Variants in GOLGB1 observed in about 807,000 individuals in gnomAD.
The protein encoded by GOLGB1 is golgin subfamily B member 1.
Under a neutral mutation model 336.9 loss-of-function variants are expected in GOLGB1, and 174 were observed. That is an observed-to-expected ratio of 0.52 (90% CI 0.46 to 0.59). The LOEUF is 0.59. GOLGB1 is among the 20% of genes least tolerant of loss of function. The pLI, the probability that GOLGB1 is intolerant of heterozygous loss-of-function variation, is 0.00. For synonymous variants in GOLGB1, 1,208 were observed against 1,289.2 expected, an observed-to-expected ratio of 0.94 and a Z score of 1.35; for missense variants, 3,331 against 3,645.3, an observed-to-expected ratio of 0.91 and a Z score of 2.22.
intron 1 of GOLGB1, among the ~76,000 whole-genome samples, chr3:121,736,425 C>G (rs1946471409): frequency 6.6e-6 from 1 of 152,168 alleles, no homozygotes; most frequent in Admixed American, 6.5e-5. Context: ...TACTTTACCT[C>G]TGGGGTATTC....
At chr3:121,742,752 G>T (rs1268754737) in intron 1 of GOLGB1, among the ~76,000 whole-genome samples, 1 of 152,012 alleles carries the variant, frequency 6.6e-6, no homozygotes, top group Non-Finnish European at 1.5e-5. Flanking sequence ...AACCTACAAA[G>T]AACTTAAACA....
intron 20 of GOLGB1, among the ~76,000 whole-genome samples, chr3:121,665,522 G>C (rs1284567847): frequency 6.6e-6 from 1 of 152,154 alleles, no homozygotes; most frequent in African/African-American, 2.4e-5. Context: ...AGCATCCAAA[G>C]AAGATTTCTG....
intron 10 of GOLGB1, among the ~76,000 whole-genome samples, chr3:121,714,568 A>T (rs1944613526): frequency 6.6e-6 from 1 of 152,150 alleles, no homozygotes; most frequent in South Asian, 2.1e-4. Context: ...TAACTACAGA[A>T]GCAAAAGTAA....
At position 121,690,889 on chromosome 3, in the gene GOLGB1, C is replaced by T; in HGVS notation, c.8475G>A (p.Leu2825=). 2 of 1,614,134 alleles carry T rather than the reference C, an allele frequency of 1.2e-6. No individual in the cohort carries two copies. The highest frequency in any genetic ancestry group is 1.1e-5 in the South Asian group (1 of 91,072). ...LLSKDEQLLH[L]SSQLEDSYNQ... is the part of the protein sequence containing the mutation. ...TATAAGAATCTTCTAGTTGTGAGGA[C>T]AAGTGAAGCAATTGCTCATCTTTGG... The change falls in exon 14 of 22, where the codon TTG becomes TTA. Residue 2825 remains leucine (L), a synonymous_variant. Transcript: ENST00000614479.
chr3:121,682,190 C>T (rs1167484144), intron 14 of GOLGB1, among the ~76,000 whole-genome samples: 3 of 152,230 alleles, frequency 2.0e-5, no homozygotes, highest in Non-Finnish European at 4.4e-5. Flanking sequence ...AGACCTAGAG[C>T]TTCACTGTGG....
In GOLGB1 at chr3:121,689,220, T is replaced by C. The variant is rs186021772; in HGVS notation, c.8694+1450A>G. On this transcript the variant is annotated intron_variant, in intron 14 of 21. Transcript: ENST00000614479. The stretch of plus-strand genomic sequence containing the variant: ...TTGTGGAATAGAAAGGGGGGAAAGG[T>C]GGGGAAAAGATTGAGAAATCGGATG... Among the ~76,000 whole-genome samples, 3,414 of 152,210 alleles carry C rather than the reference T, an allele frequency of 0.022. 484 individuals carry two copies. In the East Asian group the frequency reaches 0.4, roughly 18 times the overall value.
chr3:121,745,896 T>C (rs1947252090), intron 1 of GOLGB1, among the ~76,000 whole-genome samples: 2 of 152,206 alleles, frequency 1.3e-5, no homozygotes, highest in African/African-American at 4.8e-5. Flanking sequence ...TTCACTGTTA[T>C]CAATGATTAT....
rs1247596653 is a variant in GOLGB1 at position 121,729,422 on chromosome 3, A to T, written c.250-82T>A. The T allele has an allele frequency of 2.7e-6, 3 of 1,130,684 alleles. No individual in the cohort carries two copies. In the Admixed American group the frequency reaches 6.6e-5, roughly 25 times the overall value. The allele number at this position is 1,130,684 out of a possible 1,614,324, so 70.0% of individuals were successfully genotyped here. A position where few individuals can be genotyped will look rare whatever the true frequency, so the allele number is the denominator to read the frequency against. On this transcript the variant is annotated intron_variant, in intron 3 of 21. Coordinates refer to ENST00000614479, the MANE Select transcript of GOLGB1 (RefSeq NM_001366282.2). ...CATACTAAAAGTTATTTTTATTATT[A>T]TTACTTTCAGAGACAGGGTATCTCT...
At chr3:121,726,450 A>AAAAAG (rs1560304603) in intron 5 of GOLGB1, among the ~76,000 whole-genome samples, 2 of 148,510 alleles carry the variant, frequency 1.3e-5, no homozygotes, top group Admixed American at 6.7e-5. Context: ...AAAAAAAAAA[A>AAAAAG]AAAAGAAAAG....
rs778046115 is a variant in GOLGB1 at position 121,668,190 on chromosome 3, A to C, written c.9322-32T>G. ...GAAGAATAAGCTTAGTAATTCAGTG[A>C]TGAAAGCTCTTAAGAAAGTGTATTT... On this transcript the variant is annotated intron_variant, in intron 18 of 21. Coordinates refer to ENST00000614479, the MANE Select transcript of GOLGB1 (RefSeq NM_001366282.2). The C allele has an allele frequency of 4.8e-6, 6 of 1,260,400 alleles. No homozygotes were observed. In the East Asian group the frequency reaches 1.4e-4, roughly 29 times the overall value. 78.1% of individuals were successfully genotyped at this position (1,260,400 alleles called of 1,614,324 possible).
intron 9 of GOLGB1, among the ~76,000 whole-genome samples, chr3:121,715,717 G>A (rs111835558): frequency 0.13 from 19,266 of 151,752 alleles, 1,434 homozygotes; most frequent in African/African-American, 0.2. Flanking sequence ...TCTGGCTAGG[G>A]CACAATGGCT....
At chr3:121,668,022 C>A (rs1938884452) in intron 19 of GOLGB1, 39 bp downstream of exon 19, 1 of 1,065,490 alleles carries the variant, frequency 9.4e-7, no homozygotes, top group African/African-American at 1.6e-5. Flanking sequence ...TTTCTGGACT[C>A]TGGTGTATGC....
chr3:121,685,938 G>A (rs1941677405), intron 14 of GOLGB1, among the ~76,000 whole-genome samples: 1 of 152,074 alleles, frequency 6.6e-6, no homozygotes, highest in Admixed American at 6.5e-5. Context: ...CACTCCTCTA[G>A]TCTAGATACT....
At position 121,727,291 on chromosome 3, in the gene GOLGB1, CACATATATATATAT is replaced by C. The variant is rs1441668461; in HGVS notation, c.403-264_403-251del. 2.5e-4 allele frequency among the ~76,000 whole-genome samples: 13 copies of C among 51,146 alleles called. 1 individual carries two copies. Among genetic ancestry groups the C allele is most frequent in the Non-Finnish European group, 5.0e-4 (13 of 26,094 alleles). The allele number at this position is 51,146 out of a possible 152,430, so 33.6% of individuals were successfully genotyped here. Reference sequence around the variant, plus strand: ...AAACTGTGAAATACATACACACACACACATATATATATATATATATATATATATATTTTTTTTTT... The same window carrying C: ...AAACTGTGAAATACATACACACACACATATATATATATATATTTTTTTTTT... On this transcript the variant is annotated intron_variant, in intron 4 of 21. Coordinates refer to ENST00000614479, the MANE Select transcript of GOLGB1 (RefSeq NM_001366282.2).
chr3:121,700,769 G>C (rs982664967), intron 11 of GOLGB1, among the ~76,000 whole-genome samples: 13 of 152,080 alleles, frequency 8.5e-5, no homozygotes, highest in African/African-American at 3.1e-4. Flanking sequence ...TAGCCTCTTT[G>C]CATGGCTGTC....
At position 121,729,853 on chromosome 3, in the gene GOLGB1, AAAC is replaced by A; in HGVS notation, c.249+9_249+11del. 6.3e-7 allele frequency: 1 copy of A among 1,594,972 alleles called. No homozygotes were observed. Among genetic ancestry groups the A allele is most frequent in the Non-Finnish European group, 8.6e-7 (1 of 1,168,112 alleles). On this transcript the variant is annotated intron_variant, in intron 3 of 21. Coordinates refer to ENST00000614479, the MANE Select transcript of GOLGB1 (RefSeq NM_001366282.2). ...TCAAATGCTCCACAAGAAAGGATAA[AAAC>A]AATAGTACCTGTAGAGCTTCATCTT... is the stretch of plus-strand genomic sequence containing the variant.
rs1200291355 is a variant in GOLGB1, at chr3:121,691,741, A to C, written c.7623T>G (p.Tyr2541Ter). Residue 2541 changes from tyrosine to a stop codon, truncating the protein, a stop_gained, in exon 14 of 22, where the codon TAT becomes TAG. Transcript: ENST00000614479. LOFTEE classifies it high-confidence loss of function. ...NAKLDAELIQYREDLNQVITI... is the reference protein window; with the variant it reads ...NAKLDAELIQ ...TTATCACTTGGTTCAGGTCTTCTCT[A>C]TATTGGATCAGTTCTGCATCTAGCT... is the stretch of plus-strand genomic sequence containing the variant. The C allele has an allele frequency of 6.2e-7, 1 of 1,613,716 alleles. No individual in the cohort carries two copies. Among genetic ancestry groups the C allele is most frequent in the Non-Finnish European group, 8.5e-7 (1 of 1,179,796 alleles).
intron 17 of GOLGB1, among the ~76,000 whole-genome samples, chr3:121,675,488 A>C (rs757745820): frequency 3.3e-5 from 5 of 152,236 alleles, no homozygotes; most frequent in Admixed American, 2.0e-4. Context: ...AATACTACAC[A>C]GCATGAGAGT....
chr3:121,730,987 A>AG lies in GOLGB1; in HGVS notation c.-2-15dup, dbSNP rs772774548. 6.2e-7 allele frequency: 1 copy of AG among 1,607,526 alleles called. No homozygotes were observed. The highest frequency in any genetic ancestry group is 8.5e-7 in the Non-Finnish European group (1 of 1,178,068). On this transcript the variant is annotated splice_polypyrimidine_tract_variant and intron_variant, in intron 1 of 21. Transcript: ENST00000614479. Reference sequence around the variant, plus strand: ...GGCTCAGCATTTCTGTAGGAAAAGAAGGGGGGAAAAAACCTAAGAATCAGC... The same window carrying AG: ...GGCTCAGCATTTCTGTAGGAAAAGAAGGGGGGGAAAAAACCTAAGAATCAGC...
Sources: gnomAD v4.1 joint callset for allele counts (sites outside exome capture counted in the v4.1 genomes callset) on GRCh38, gnomAD v4.1.1 for gene constraint, MANE v1.5 for transcripts, NCBI Gene and HGNC (gene_info 2026-07-23, HGNC 2026-07-21) for gene names.